Variants in SPOCK3 observed in about 807,000 individuals in gnomAD.
SPOCK3 encodes testican-3.
Under a neutral mutation model 56.6 loss-of-function variants are expected in SPOCK3, and 30 were observed. The ratio of observed to expected loss-of-function variants is 0.53; its 90% CI spans 0.40 to 0.72. The LOEUF (loss-of-function observed/expected upper bound fraction) is 0.72. Among genes scored for constraint, SPOCK3 ranks in the 30% least tolerant of loss-of-function variants. The pLI, the probability that SPOCK3 is intolerant of heterozygous loss-of-function variation, is 0.00. For missense variants in SPOCK3, 527 were observed against 530.0 expected (o/e 0.99, Z 0.06); for synonymous variants, 196 against 183.3 (o/e 1.07, Z -0.56).
chr4:166,889,741 T>C (rs1734577413), intron 5 of SPOCK3, among the ~76,000 whole-genome samples: 1 of 151,954 alleles, frequency 6.6e-6, no homozygotes, highest in Non-Finnish European at 1.5e-5. Flanking sequence ...GCCCATCTTG[T>C]ATCCCCCAGG....
intron 2 of SPOCK3, among the ~76,000 whole-genome samples, chr4:167,187,655 T>A (rs2110818445): frequency 6.6e-6 from 1 of 152,196 alleles, no homozygotes; most frequent in East Asian, 1.9e-4. Context: ...TACTATTATA[T>A]TAATTTTTCA....
chr4:167,091,448 T>C (rs1347694118), intron 2 of SPOCK3, among the ~76,000 whole-genome samples: 5 of 152,338 alleles, frequency 3.3e-5, no homozygotes, highest in African/African-American at 9.6e-5. Context: ...TTTCCTCATT[T>C]GCAAATGGTG....
chr4:166,852,295 A>T (rs1183480422), intron 6 of SPOCK3, among the ~76,000 whole-genome samples: 1 of 152,012 alleles, frequency 6.6e-6, no homozygotes, highest in Non-Finnish European at 1.5e-5. Context: ...CTTAAAGTAT[A>T]AAAATAATAA....
At chr4:166,840,450 T>G (rs1180576930) in intron 6 of SPOCK3, among the ~76,000 whole-genome samples, 1 of 152,240 alleles carries the variant, frequency 6.6e-6, no homozygotes, top group Non-Finnish European at 1.5e-5. Context: ...CCTTGCCCTT[T>G]GGCTACAAAG....
At chr4:167,092,410 T>C (rs989954734) in intron 2 of SPOCK3, among the ~76,000 whole-genome samples, 1 of 152,192 alleles carries the variant, frequency 6.6e-6, no homozygotes, top group African/African-American at 2.4e-5. Context: ...CACACGCTCC[T>C]GGCAAGCATT....
intron 2 of SPOCK3, among the ~76,000 whole-genome samples, chr4:167,211,381 G>A (rs957532068): frequency 1.3e-5 from 2 of 152,074 alleles, no homozygotes; most frequent in African/African-American, 2.4e-5. Context: ...TAACACTCTG[G>A]GGGACTGCAG....
In SPOCK3 at chr4:166,902,237, G is replaced by T. The variant is rs138515064; in HGVS notation, c.474+10383C>A. Among the ~76,000 whole-genome samples, 268 of 152,134 alleles carry T rather than the reference G, an allele frequency of 1.8e-3. 1 individual carries two copies. The highest frequency in any genetic ancestry group is 6.1e-3 in the African/African-American group (254 of 41,524). On this transcript the variant is annotated intron_variant, in intron 5 of 10. Transcript: ENST00000357545. ...CTGAGATGCTTTTTGTTGGTATAAT[G>T]GTACAATATTTTTGGTAGGTAATAT...
intron 2 of SPOCK3, among the ~76,000 whole-genome samples, chr4:167,081,215 T>C (rs1757674502): frequency 6.6e-6 from 1 of 151,926 alleles, no homozygotes; most frequent in Non-Finnish European, 1.5e-5. Flanking sequence ...CTGAAAAAAT[T>C]ATATACTTTT....
At chr4:167,122,053 C>T (rs904693379) in intron 2 of SPOCK3, among the ~76,000 whole-genome samples, 2 of 150,562 alleles carry the variant, frequency 1.3e-5, no homozygotes, top group Non-Finnish European at 3.0e-5. Flanking sequence ...CTTCCTTCCT[C>T]CATCCCTCCC....
intron 3 of SPOCK3, among the ~76,000 whole-genome samples, chr4:167,022,614 T>C (rs1415114194): frequency 1.3e-5 from 2 of 152,042 alleles, no homozygotes; most frequent in African/African-American, 4.8e-5. Flanking sequence ...CCCAAGTTTA[T>C]GGATAGGTCA....
chr4:166,767,399 C>G (rs2126545104), intron 7 of SPOCK3, among the ~76,000 whole-genome samples: 1 of 152,044 alleles, frequency 6.6e-6, no homozygotes, highest in Non-Finnish European at 1.5e-5. Flanking sequence ...TCTTTGTTCT[C>G]ACTGGTTTCA....
At chr4:167,225,612 G>C (rs191863554) in intron 2 of SPOCK3, among the ~76,000 whole-genome samples, 3 of 152,094 alleles carry the variant, frequency 2.0e-5, no homozygotes, top group Non-Finnish European at 4.4e-5. Flanking sequence ...TATGAAAAAT[G>C]ATAAATAAAT....
chr4:166,919,894 T>C (rs28408251), intron 4 of SPOCK3, among the ~76,000 whole-genome samples: 1 of 152,072 alleles, frequency 6.6e-6, no homozygotes, highest in Non-Finnish European at 1.5e-5. Flanking sequence ...AATATTAAAA[T>C]GCATTATTTT....
chr4:166,870,765 T>C (rs958815922), intron 6 of SPOCK3, among the ~76,000 whole-genome samples: 4 of 152,132 alleles, frequency 2.6e-5, no homozygotes, highest in Non-Finnish European at 4.4e-5. Context: ...TTTCCTGATA[T>C]AGTTTGACTG....
At position 166,792,164 on chromosome 4, in the gene SPOCK3, TCTTACTGCTTCTCTCAGGC is replaced by T; in HGVS notation, c.696_709+5del. On this transcript the variant is annotated splice_donor_variant and splice_donor_5th_base_variant and coding_sequence_variant and intron_variant, in exon 7 of 11. Coordinates refer to ENST00000357545, the MANE Select transcript of SPOCK3 (RefSeq NM_001040159.2). LOFTEE classifies it high-confidence loss of function. ...CAGTAGCAATGATCAAATTTAGAAA[TCTTACTGCTTCTCTCAGGC>T]CTCAGCAATGTTTTTGTCTTCTTGT... 1 of 1,613,774 alleles carries T rather than the reference TCTTACTGCTTCTCTCAGGC, an allele frequency of 6.2e-7. No individual in the cohort carries two copies. Among genetic ancestry groups the T allele is most frequent in the Non-Finnish European group, 8.5e-7 (1 of 1,179,780 alleles).
At chr4:167,138,482 C>T (rs1311583808) in intron 2 of SPOCK3, among the ~76,000 whole-genome samples, 1 of 151,802 alleles carries the variant, frequency 6.6e-6, no homozygotes, top group Non-Finnish European at 1.5e-5. Context: ...TACAGGATTG[C>T]ATTTCTCTCT....
chr4:166,798,021 T>C (rs576107516), intron 6 of SPOCK3, among the ~76,000 whole-genome samples: 2 of 152,294 alleles, frequency 1.3e-5, no homozygotes, highest in Admixed American at 1.3e-4. Context: ...TATTGTCTAA[T>C]AATGTCAACA....
chr4:167,103,724 C>T (rs544336280), intron 2 of SPOCK3, among the ~76,000 whole-genome samples: 1 of 152,114 alleles, frequency 6.6e-6, no homozygotes, highest in Admixed American at 6.6e-5. Context: ...GATAGTAGAG[C>T]CCTAGGACCT....
At chr4:167,113,780 G>C (rs1761107887) in intron 2 of SPOCK3, among the ~76,000 whole-genome samples, 1 of 152,004 alleles carries the variant, frequency 6.6e-6, no homozygotes, top group South Asian at 2.1e-4. Context: ...CACCGCACAA[G>C]GGCTATGGAC....
Sources: allele counts gnomAD v4.1 joint callset (sites outside exome capture counted in the v4.1 genomes callset), GRCh38; gene constraint gnomAD v4.1.1; transcripts MANE v1.5; gene names NCBI Gene and HGNC (gene_info 2026-07-23, HGNC 2026-07-21).